PHF11: variants seen among roughly 807,000 people sequenced by gnomAD.
PHF11 encodes the protein BRCA1 C-terminus-associated protein.
PHF11 carries 38 observed loss-of-function variants against 40.5 expected under a neutral mutation model. That is an observed-to-expected ratio of 0.94 (90% CI 0.72 to 1.23). PHF11 has a LOEUF of 1.23. Among genes scored for constraint, PHF11 ranks in the 50% most tolerant of loss-of-function variants. The pLI is 0.00. For missense variants in PHF11, 369 were observed against 392.4 expected, an observed-to-expected ratio of 0.94 and a Z score of 0.50; for synonymous variants, 127 against 138.2, an observed-to-expected ratio of 0.92 and a Z score of 0.57.
chr13:49,517,132 C>T (rs754839792), intron 3 of PHF11, among the ~76,000 whole-genome samples: 2 of 152,158 alleles, frequency 1.3e-5, no homozygotes, highest in African/African-American at 2.4e-5. Flanking sequence ...ATTAAATGAT[C>T]GTTCTTGTAT....
At chr13:49,523,466 G>C (rs1314384451) in intron 7 of PHF11, 4 of 531,430 alleles carry the variant, frequency 7.5e-6, no homozygotes, top group Non-Finnish European at 1.3e-5. Context: ...AGAAAAGATA[G>C]ACTTCTATTA....
At chr13:49,527,390 C>G (rs7333668) in intron 9 of PHF11, 1 of 151,988 alleles carries the variant, frequency 6.6e-6, no homozygotes, top group South Asian at 2.1e-4. Context: ...TCCACAGATG[C>G]ATCTGTCTCT....
chr13:49,504,502 C>CGGGA (rs1958952782), intron 1 of PHF11, among the ~76,000 whole-genome samples: 24 of 63,700 alleles, frequency 3.8e-4, no homozygotes, highest in South Asian at 7.3e-4. Flanking sequence ...CCGCCCCGTC[C>CGGGA]GGGAGGTGAG....
rs112437268 is a variant in PHF11 at position 49,527,054 on chromosome 13, G to GA, written c.841+608dup. ...GTTACGACTGATTTAAAGTTCATCA[G>GA]AAAAAAAAAAAACAAAAACAAACAA... On this transcript the variant is annotated intron_variant, in intron 9 of 9. Transcript: ENST00000378319. Among the ~76,000 whole-genome samples, 204 of 92,620 alleles carry GA rather than the reference G, an allele frequency of 2.2e-3. 1 individual carries two copies. Among genetic ancestry groups the GA allele is most frequent in the Non-Finnish European group, 3.8e-3 (148 of 38,618 alleles). 60.8% of individuals were successfully genotyped at this position (92,620 alleles called of 152,430 possible). A position where few individuals can be genotyped will look rare whatever the true frequency, so the allele number is the denominator to read the frequency against.
At chr13:49,528,443 G>A in intron 9 of PHF11, 68 bp from the exon 10 acceptor site, 1 of 1,157,266 alleles carries the variant, frequency 8.6e-7, no homozygotes. Flanking sequence ...AAAGGGGCTA[G>A]AAATGGTACA....
rs1847513440 is a variant in PHF11, at chr13:49,528,738, A to G, written c.*73A>G. On this transcript the variant is annotated 3_prime_UTR_variant, in exon 10 of 10. Transcript: ENST00000378319. The stretch of plus-strand genomic sequence containing the variant: ...TCAAAACCAGAGACCAGGCTGTGAA[A>G]TCCACACATCTTTAGAACTAGTCGT... 1 of 1,066,882 alleles carries G rather than the reference A, an allele frequency of 9.4e-7. No individual in the cohort carries two copies. Among genetic ancestry groups the G allele is most frequent in the African/African-American group, 1.6e-5 (1 of 63,570 alleles). 66.1% of individuals were successfully genotyped at this position (1,066,882 alleles called of 1,614,324 possible).
chr13:49,515,592 A>T (rs1055034311), intron 3 of PHF11, among the ~76,000 whole-genome samples: 1 of 151,220 alleles, frequency 6.6e-6, no homozygotes, highest in Non-Finnish European at 1.5e-5. Flanking sequence ...TTCCTCGTCA[A>T]CCTCCCAGCC....
chr13:49,521,913 C>A, intron 5 of PHF11, 130 bp from the exon 6 acceptor site: 1 of 513,686 alleles, frequency 1.9e-6, no homozygotes. Context: ...GTGCTGCAAA[C>A]ACTTAGTTGA....
At chr13:49,501,781 C>T (rs1356195920) in intron 1 of PHF11, among the ~76,000 whole-genome samples, 3 of 152,082 alleles carry the variant, frequency 2.0e-5, no homozygotes, top group Admixed American at 6.5e-5. Flanking sequence ...ACCTCCTCCT[C>T]CCAGGTTCAA....
At chr13:49,504,282 T>TA (rs562025721) in intron 1 of PHF11, among the ~76,000 whole-genome samples, 50 of 144,988 alleles carry the variant, frequency 3.4e-4, no homozygotes, top group East Asian at 2.4e-3. Flanking sequence ...CCCCTGTCTC[T>TA]AAAAAAAAAA....
chr13:49,523,173 AG>A lies in PHF11; in HGVS notation c.571-1del. ...TAATGCAATCTTGATTTTCTCTCCTAGCCACCCGAAACAATGAAATGTAATA... is the reference window on the plus strand; with the variant it reads ...TAATGCAATCTTGATTTTCTCTCCTACCACCCGAAACAATGAAATGTAATA... On this transcript the variant is annotated splice_acceptor_variant, in intron 6 of 9. Transcript: ENST00000378319. LOFTEE classifies it high-confidence loss of function. 1 of 1,598,850 alleles carries A rather than the reference AG, an allele frequency of 6.3e-7. No homozygotes were observed. The highest frequency in any genetic ancestry group is 1.1e-5 in the South Asian group (1 of 90,666).
chr13:49,500,609 T>C (rs1473623644), intron 1 of PHF11, among the ~76,000 whole-genome samples: 1 of 152,098 alleles, frequency 6.6e-6, no homozygotes, highest in East Asian at 1.9e-4. Flanking sequence ...AGAGCCGAAA[T>C]CCATTAAGAC....
intron 1 of PHF11, 116 bp downstream of exon 1, chr13:49,496,211 G>T: frequency 1.4e-6 from 1 of 695,446 alleles, no homozygotes; most frequent in Non-Finnish European, 2.0e-6. Context: ...CCTACTCCGG[G>T]CCGGGGCCCT....
intron 1 of PHF11, among the ~76,000 whole-genome samples, chr13:49,500,878 A>G (rs768549806): frequency 2.0e-5 from 3 of 151,962 alleles, no homozygotes; most frequent in Non-Finnish European, 4.4e-5. Context: ...GTGACTTGAC[A>G]GCTCTGCCCA....
At chr13:49,528,431 T>G in intron 9 of PHF11, 80 bp from the exon 10 acceptor site, 7 of 1,006,768 alleles carry the variant, frequency 7.0e-6, no homozygotes, top group Non-Finnish European at 1.0e-5. Flanking sequence ...TACCTGCAAG[T>G]GAAAGGGGCT....
At chr13:49,501,549 G>A (rs1327121487) in intron 1 of PHF11, among the ~76,000 whole-genome samples, 1 of 152,132 alleles carries the variant, frequency 6.6e-6, no homozygotes, top group Non-Finnish European at 1.5e-5. Context: ...TAAAACAGAA[G>A]CACAGGAGGA....
At chr13:49,511,793 T>C (rs1959086125) in intron 2 of PHF11, among the ~76,000 whole-genome samples, 1 of 152,216 alleles carries the variant, frequency 6.6e-6, no homozygotes, top group Admixed American at 6.5e-5. Flanking sequence ...CCAGCAACCT[T>C]ACCAAACTCT....
chr13:49,523,839 CAT>C, intron 7 of PHF11: 3 of 278,962 alleles, frequency 1.1e-5, no homozygotes, highest in South Asian at 8.2e-5. Context: ...CCTCTTAATT[CAT>C]ATAGTTATTG....
chr13:49,525,523 C>T (rs752315440), intron 8 of PHF11, among the ~76,000 whole-genome samples: 4 of 152,168 alleles, frequency 2.6e-5, no homozygotes, highest in Non-Finnish European at 4.4e-5. Context: ...GCGGGGATTA[C>T]AGGTGTGAGT....
Sources: gnomAD v4.1 joint callset for allele counts (sites outside exome capture counted in the v4.1 genomes callset) on GRCh38, gnomAD v4.1.1 for gene constraint, MANE v1.5 for transcripts, NCBI Gene and HGNC (gene_info 2026-07-23, HGNC 2026-07-21) for gene names.